SEPTIN7: variants seen among roughly 807,000 people sequenced by gnomAD.
SEPTIN7 encodes the protein septin-7.
A neutral mutation model predicts 63.3 loss-of-function variants in SEPTIN7; 10 were observed. That is an observed-to-expected ratio of 0.16 (90% CI 0.10 to 0.27). The LOEUF is 0.27. SEPTIN7 is among the 10% of genes least tolerant of loss of function. The pLI, the probability that SEPTIN7 is intolerant of heterozygous loss-of-function variation, is 1.00. For missense variants in SEPTIN7, 310 were observed against 521.0 expected (o/e 0.59, Z 3.94); for synonymous variants, 131 against 165.3 (o/e 0.79, Z 1.59).
intron 4 of SEPTIN7, among the ~76,000 whole-genome samples, chr7:35,872,266 G>A (rs1212957019): frequency 1.3e-5 from 2 of 152,144 alleles, no homozygotes; most frequent in Non-Finnish European, 2.9e-5. Flanking sequence ...GTTCTTCTCT[G>A]ATTAATTACA....
At chr7:35,871,658 A>G (rs1357477876) in intron 4 of SEPTIN7, among the ~76,000 whole-genome samples, 1 of 152,198 alleles carries the variant, frequency 6.6e-6, no homozygotes, top group African/African-American at 2.4e-5. Context: ...TCTATAAAAC[A>G]TGCCAAAAGG....
the SEPTIN7 span, among the ~76,000 whole-genome samples, chr7:35,912,994 C>T: frequency 3.3e-5 from 5 of 152,174 alleles, no homozygotes; most frequent in Non-Finnish European, 7.3e-5. Context: ...TATGAAAGTC[C>T]ACCATCAGGG....
chr7:35,883,777 C>T (rs899425192), intron 8 of SEPTIN7, 114 bp from the exon 9 acceptor site: 25 of 545,098 alleles, frequency 4.6e-5, no homozygotes, highest in East Asian at 3.6e-4. Context: ...CAGAAACTAT[C>T]GAAAGTAAAT....
At chr7:35,803,752 C>T (rs543204902) in intron 1 of SEPTIN7, among the ~76,000 whole-genome samples, 1 of 152,138 alleles carries the variant, frequency 6.6e-6, no homozygotes, top group Admixed American at 6.5e-5. Context: ...TAAGTTTGGA[C>T]TGTAAAGATA....
At chr7:35,833,326 A>T (rs1295824284) in intron 3 of SEPTIN7, among the ~76,000 whole-genome samples, 2 of 152,022 alleles carry the variant, frequency 1.3e-5, no homozygotes, top group Non-Finnish European at 2.9e-5. Context: ...ATAATAATGT[A>T]GTTGATTACC....
At chr7:35,878,487 C>A (rs1786616002) in intron 6 of SEPTIN7, among the ~76,000 whole-genome samples, 1 of 152,130 alleles carries the variant, frequency 6.6e-6, no homozygotes, top group Admixed American at 6.6e-5. Context: ...CTAGTTAAGG[C>A]ATCTGGCCTT....
chr7:35,908,094 T>C (rs1476216721), downstream of SEPTIN7, among the ~76,000 whole-genome samples: 1 of 152,214 alleles, frequency 6.6e-6, no homozygotes, highest in Non-Finnish European at 1.5e-5. Context: ...AAGGTAATTT[T>C]GGTCAAAAGA....
chr7:35,855,837 AT>A (rs1413470121), intron 3 of SEPTIN7, among the ~76,000 whole-genome samples: 2 of 152,152 alleles, frequency 1.3e-5, no homozygotes, highest in Admixed American at 1.3e-4. Flanking sequence ...ATTTGTGTAT[AT>A]ATATTTGACA....
intron 3 of SEPTIN7, among the ~76,000 whole-genome samples, chr7:35,851,674 A>G (rs562891148): frequency 1.3e-5 from 2 of 152,232 alleles, no homozygotes; most frequent in Non-Finnish European, 2.9e-5. Context: ...ATAGTTCTCT[A>G]TTGTTTTGCA....
downstream of SEPTIN7, among the ~76,000 whole-genome samples, chr7:35,910,997 T>C (rs1047619510): frequency 3.3e-5 from 5 of 152,142 alleles, no homozygotes; most frequent in Non-Finnish European, 5.9e-5. Context: ...ATGAACCAGA[T>C]GCCAAGGAAG....
intron 2 of SEPTIN7, 138 bp from the exon 3 acceptor site, chr7:35,832,660 G>A: frequency 1.5e-6 from 1 of 666,384 alleles, no homozygotes; most frequent in Non-Finnish European, 2.8e-6. Context: ...TAGTTTTATT[G>A]ATAATGCCAT....
chr7:35,868,888 A>C, intron 4 of SEPTIN7, among the ~76,000 whole-genome samples: 1 of 152,196 alleles, frequency 6.6e-6, no homozygotes, highest in East Asian at 1.9e-4. Flanking sequence ...TGATTCAGAC[A>C]GACTGGGAAT....
intron 11 of SEPTIN7, among the ~76,000 whole-genome samples, chr7:35,897,689 T>C (rs557603915): frequency 1.3e-5 from 2 of 152,266 alleles, no homozygotes; most frequent in South Asian, 4.1e-4. Flanking sequence ...TTCAAGAGCA[T>C]TGAAGTTATC....
intron 3 of SEPTIN7, among the ~76,000 whole-genome samples, chr7:35,844,043 T>G (rs1562542210): frequency 6.6e-6 from 1 of 152,228 alleles, no homozygotes; most frequent in Non-Finnish European, 1.5e-5. Flanking sequence ...AGCATGCTTG[T>G]CCTGGTTCAG....
rs1473673889 is a variant in SEPTIN7, at chr7:35,832,894, G to A, written c.163G>A (p.Val55Ile). The A allele has an allele frequency of 6.4e-7, 1 of 1,567,052 alleles. No individual in the cohort carries two copies. Among genetic ancestry groups the A allele is most frequent in the Admixed American group, 1.7e-5 (1 of 59,924 alleles). ...GAGAGGTTTTGAATTCACGCTTATG[G>A]TAGTGGGTAAGATATGATTTCTTAC... ...VKRGFEFTLM[V>I]VGESGLGKST... Residue 55 changes from valine (V) to isoleucine (I), a missense_variant, in exon 3 of 14, where the codon GTA becomes ATA. Val to Ile is a conservative substitution (Grantham distance 29). Coordinates refer to ENST00000350320, the MANE Select transcript of SEPTIN7 (RefSeq NM_001788.6).
intron 1 of SEPTIN7, among the ~76,000 whole-genome samples, chr7:35,813,644 A>G (rs1375827108): frequency 6.6e-6 from 1 of 152,142 alleles, no homozygotes; most frequent in Non-Finnish European, 1.5e-5. Flanking sequence ...TAAAGTGCTA[A>G]GATTACAGGA....
intron 1 of SEPTIN7, among the ~76,000 whole-genome samples, chr7:35,824,497 C>G (rs549353701): frequency 6.6e-6 from 1 of 152,218 alleles, no homozygotes; most frequent in South Asian, 2.1e-4. Context: ...TCTGTCTAAC[C>G]TAGATGTTTC....
intron 11 of SEPTIN7, 99 bp from the exon 12 acceptor site, chr7:35,898,149 A>C: frequency 1.3e-6 from 1 of 780,950 alleles, no homozygotes; most frequent in Non-Finnish European, 1.9e-6. Context: ...ATTAATAGTG[A>C]CATATAGCAT....
chr7:35,885,512 T>G (rs1233451343), intron 9 of SEPTIN7, among the ~76,000 whole-genome samples: 1 of 152,196 alleles, frequency 6.6e-6, no homozygotes, highest in African/African-American at 2.4e-5. Flanking sequence ...ATTTTTTAAA[T>G]GTATTATAGA....
Sources: gnomAD v4.1 joint callset for allele counts (sites outside exome capture counted in the v4.1 genomes callset) on GRCh38, gnomAD v4.1.1 for gene constraint, MANE v1.5 for transcripts, NCBI Gene and HGNC (gene_info 2026-07-23, HGNC 2026-07-21) for gene names.